Variants in SLC44A5 observed in about 807,000 individuals in gnomAD.
SLC44A5 encodes solute carrier family 44 member 5.
Under a neutral mutation model 101.8 loss-of-function variants are expected in SLC44A5, and 57 were observed. The ratio of observed to expected loss-of-function variants is 0.56; its 90% CI spans 0.45 to 0.70. The LOEUF (loss-of-function observed/expected upper bound fraction) is 0.70. Ranked by LOEUF, SLC44A5 falls within the 30% of genes least tolerant of loss-of-function variation. SLC44A5 has a pLI of 0.00. For missense variants in SLC44A5, 737 were observed against 853.1 expected (o/e 0.86, Z 1.70); for synonymous variants, 281 against 290.9 (o/e 0.97, Z 0.35).
intron 2 of SLC44A5, among the ~76,000 whole-genome samples, chr1:75,515,800 G>A: frequency 6.6e-6 from 1 of 152,060 alleles, no homozygotes; most frequent in East Asian, 1.9e-4. Flanking sequence ...TGGATCATAT[G>A]GTAGTTCTAT....
In SLC44A5 at chr1:75,238,593, A is replaced by T. The variant is rs1324585056; in HGVS notation, c.576T>A (p.Thr192=). 8.8e-6 allele frequency: 14 copies of T among 1,589,316 alleles called. No homozygotes were observed. The highest frequency in any genetic ancestry group is 1.1e-5 in the Non-Finnish European group (13 of 1,166,934). ...ACATCATCTTACTTCCTATTGTTAAAGTGCCATTTTTGGTAGAGAAGTCAG... is the reference window on the plus strand; with the variant it reads ...ACATCATCTTACTTCCTATTGTTAATGTGCCATTTTTGGTAGAGAAGTCAG... ...CFPDFSTKNG[T]LTIGSKMMFQ... Residue 192 remains threonine, a synonymous_variant, in exon 10 of 24, where the codon ACT becomes ACA. Coordinates refer to ENST00000370859, the MANE Select transcript of SLC44A5 (RefSeq NM_001130058.2).
chr1:75,686,747 A>C, the SLC44A5 span, among the ~76,000 whole-genome samples: 1 of 152,230 alleles, frequency 6.6e-6, no homozygotes, highest in Non-Finnish European at 1.5e-5. Flanking sequence ...ACACATCCCT[A>C]CAAGGGAAGA....
intron 3 of SLC44A5, among the ~76,000 whole-genome samples, chr1:75,392,084 A>G (rs1570116813): frequency 6.6e-6 from 1 of 152,112 alleles, no homozygotes; most frequent in South Asian, 2.1e-4. Flanking sequence ...AGGAAGGTCT[A>G]TGCTGCAGTG....
chr1:75,635,937 T>A, the SLC44A5 span, among the ~76,000 whole-genome samples: 1 of 152,086 alleles, frequency 6.6e-6, no homozygotes, highest in African/African-American at 2.4e-5. Flanking sequence ...TTTAAATTTA[T>A]GGGGTACAAG....
intron 4 of SLC44A5, among the ~76,000 whole-genome samples, chr1:75,302,519 G>A (rs900927755): frequency 2.6e-5 from 4 of 151,994 alleles, no homozygotes; most frequent in Non-Finnish European, 4.4e-5. Flanking sequence ...CCCCTTATTC[G>A]CAAGGGAGGC....
chr1:75,448,696 T>C (rs1665726437), intron 2 of SLC44A5, among the ~76,000 whole-genome samples: 1 of 152,160 alleles, frequency 6.6e-6, no homozygotes, highest in African/African-American at 2.4e-5. Context: ...TTTGCTACAA[T>C]AACCTCCTGA....
the SLC44A5 span, among the ~76,000 whole-genome samples, chr1:75,626,419 A>C: frequency 6.6e-6 from 1 of 152,172 alleles, no homozygotes; most frequent in Admixed American, 6.5e-5. Context: ...TCCATTGCTC[A>C]TAGAAAAACA....
intron 6 of SLC44A5, among the ~76,000 whole-genome samples, chr1:75,270,555 G>A (rs1651382518): frequency 6.6e-6 from 1 of 152,016 alleles, no homozygotes. Flanking sequence ...AATATAAGAA[G>A]GAAGCCATCA....
rs770556856 is a variant in SLC44A5 at position 75,372,196 on chromosome 1, C to CAA, written c.52+24385_52+24386dup. The stretch of plus-strand genomic sequence containing the variant: ...TGGGTGACAGAGTGAGACTCTGTCT[C>CAA]AAAAAAAAAAAAAAAAAAAACCTTC... On this transcript the variant is annotated intron_variant, in intron 3 of 23. Coordinates refer to ENST00000370859, the MANE Select transcript of SLC44A5 (RefSeq NM_001130058.2). Among the ~76,000 whole-genome samples the CAA allele has an allele frequency of 1.5e-3, 126 of 81,608 alleles. 1 individual carries two copies. The highest frequency in any genetic ancestry group is 3.1e-3 in the African/African-American group (67 of 21,948). 53.5% of individuals were successfully genotyped at this position (81,608 alleles called of 152,430 possible).
intron 7 of SLC44A5, among the ~76,000 whole-genome samples, chr1:75,249,755 T>G (rs1198582727): frequency 6.6e-6 from 1 of 152,134 alleles, no homozygotes; most frequent in Non-Finnish European, 1.5e-5. Context: ...GGACTTTGAG[T>G]TAAAAACAGT....
chr1:75,444,707 G>A (rs986778962), intron 2 of SLC44A5, among the ~76,000 whole-genome samples: 17 of 152,046 alleles, frequency 1.1e-4, no homozygotes, highest in African/African-American at 4.1e-4. Flanking sequence ...TCTTGTACCA[G>A]AAAGAGGAAA....
At chr1:75,573,422 G>T (rs550161249) in intron 1 of SLC44A5, among the ~76,000 whole-genome samples, 14 of 152,226 alleles carry the variant, frequency 9.2e-5, no homozygotes, top group African/African-American at 2.9e-4. Context: ...ACCTCTGGGG[G>T]TAGGGAAGGG....
chr1:75,506,143 T>G (rs925825028), intron 2 of SLC44A5, among the ~76,000 whole-genome samples: 1 of 152,108 alleles, frequency 6.6e-6, no homozygotes, highest in Non-Finnish European at 1.5e-5. Flanking sequence ...TTGATTTTGT[T>G]GAAGACCAGA....
chr1:75,377,185 T>G (rs1430483792), intron 3 of SLC44A5, among the ~76,000 whole-genome samples: 1 of 148,888 alleles, frequency 6.7e-6, no homozygotes, highest in Non-Finnish European at 1.5e-5. Context: ...AAAATTCTTC[T>G]GCCTTGAGAT....
chr1:75,330,355 C>G (rs974835165), intron 4 of SLC44A5, among the ~76,000 whole-genome samples: 2 of 151,974 alleles, frequency 1.3e-5, no homozygotes, highest in Non-Finnish European at 2.9e-5. Context: ...GCCACCACCC[C>G]CGTGATGGCC....
chr1:75,476,874 C>T (rs1667443616), intron 2 of SLC44A5, among the ~76,000 whole-genome samples: 1 of 152,254 alleles, frequency 6.6e-6, no homozygotes, highest in Non-Finnish European at 1.5e-5. Flanking sequence ...TTAAATGTTC[C>T]TGTCTGACAG....
At chr1:75,225,681 T>C (rs2100531505) in intron 13 of SLC44A5, among the ~76,000 whole-genome samples, 1 of 152,376 alleles carries the variant, frequency 6.6e-6, no homozygotes. Context: ...GAGTGTAATT[T>C]CACATATATG....
intron 1 of SLC44A5, among the ~76,000 whole-genome samples, chr1:75,577,530 A>T (rs1041252250): frequency 6.6e-6 from 1 of 152,120 alleles, no homozygotes; most frequent in Non-Finnish European, 1.5e-5. Flanking sequence ...TCTTTGCTCA[A>T]ATGTCACAGT....
chr1:75,398,058 T>G (rs1040487027), intron 2 of SLC44A5, among the ~76,000 whole-genome samples: 1 of 152,128 alleles, frequency 6.6e-6, no homozygotes, highest in Non-Finnish European at 1.5e-5. Flanking sequence ...CGTGCAAGGA[T>G]TGGCACCTGA....
Sources: gnomAD v4.1 joint callset for allele counts (sites outside exome capture counted in the v4.1 genomes callset) on GRCh38, gnomAD v4.1.1 for gene constraint, MANE v1.5 for transcripts, NCBI Gene and HGNC (gene_info 2026-07-23, HGNC 2026-07-21) for gene names.